Variants in SEPHS1 observed in about 807,000 individuals in gnomAD.
SEPHS1 encodes the protein zincore component SEPHS1.
SEPHS1 carries 7 observed loss-of-function variants against 39.2 expected under a neutral mutation model. That is an observed-to-expected ratio of 0.18 (90% CI 0.10 to 0.34). The LOEUF (loss-of-function observed/expected upper bound fraction) is 0.34. Ranked by LOEUF, SEPHS1 falls within the 10% of genes least tolerant of loss-of-function variation. The pLI, the probability that SEPHS1 is intolerant of heterozygous loss-of-function variation, is 1.00. For synonymous variants in SEPHS1, 190 were observed against 195.5 expected, an observed-to-expected ratio of 0.97 and a Z score of 0.23; for missense variants, 253 against 514.5, an observed-to-expected ratio of 0.49 and a Z score of 4.92.
intron 5 of SEPHS1, among the ~76,000 whole-genome samples, chr10:13,331,470 C>A (rs1833467045): frequency 6.6e-6 from 1 of 152,086 alleles, no homozygotes; most frequent in African/African-American, 2.4e-5. Flanking sequence ...ACTGCAACCT[C>A]CGCCTCCTGG....
chr10:13,319,108 T>A lies in SEPHS1; in HGVS notation c.*34A>T, dbSNP rs751108141. 3.8e-6 allele frequency: 6 copies of A among 1,597,758 alleles called. No homozygotes were observed. The highest frequency in any genetic ancestry group is 1.9e-4 in the Middle Eastern group (1 of 5,350). Reference sequence around the variant, plus strand: ...AAGTGATAAGGGAAATAGATCTATTTAAAAACAAAACCAAACAGCTATTTC... The same window carrying A: ...AAGTGATAAGGGAAATAGATCTATTAAAAAACAAAACCAAACAGCTATTTC... On this transcript the variant is annotated 3_prime_UTR_variant, in exon 9 of 9. Transcript: ENST00000327347.
chr10:13,331,521 A>G (rs1270160665), intron 5 of SEPHS1, among the ~76,000 whole-genome samples: 1 of 152,106 alleles, frequency 6.6e-6, no homozygotes, highest in African/African-American at 2.4e-5. Context: ...AGCTGGGATT[A>G]CAGGCGCCTG....
chr10:13,323,700 C>T lies in SEPHS1; in HGVS notation c.752-653G>A, dbSNP rs559907952. 1.1e-4 allele frequency among the ~76,000 whole-genome samples: 16 copies of T among 152,088 alleles called. No individual in the cohort carries two copies. The East Asian group carries it at 3.1e-3, about 29-fold the overall frequency. Reference sequence around the variant, plus strand: ...GCCTTGCTCAGTATCAAGGTACTCCCGCGAAAGGTGAATTGCGTGCAAGTT... The same window carrying T: ...GCCTTGCTCAGTATCAAGGTACTCCTGCGAAAGGTGAATTGCGTGCAAGTT... On this transcript the variant is annotated intron_variant, in intron 7 of 8. Coordinates refer to ENST00000327347, the MANE Select transcript of SEPHS1 (RefSeq NM_012247.5).
chr10:13,337,028 G>T (rs529353803), intron 3 of SEPHS1, among the ~76,000 whole-genome samples: 30 of 152,308 alleles, frequency 2.0e-4, no homozygotes, highest in African/African-American at 6.7e-4. Context: ...GTGCACACCT[G>T]TAGTCTCAGC....
At chr10:13,331,743 G>T (rs776515528) in intron 5 of SEPHS1, among the ~76,000 whole-genome samples, 1 of 152,200 alleles carries the variant, frequency 6.6e-6, no homozygotes, top group Non-Finnish European at 1.5e-5. Context: ...GGTTAGGAGA[G>T]AAACTTCTCC....
chr10:13,322,138 C>G lies in SEPHS1; in HGVS notation c.964+697G>C, dbSNP rs1258171164. 4.5e-5 allele frequency: 16 copies of G among 356,104 alleles called. No individual in the cohort carries two copies. The East Asian group carries it at 1.4e-3, about 30-fold the overall frequency. 22.1% of individuals were successfully genotyped at this position (356,104 alleles called of 1,614,324 possible). A position where few individuals can be genotyped will look rare whatever the true frequency, so the allele number is the denominator to read the frequency against. ...ATTCTTTTTTATTCTGTATCATTCTCTTTTCTTTTTTTTTTTTTTTTAAGG... is the reference window on the plus strand; with the variant it reads ...ATTCTTTTTTATTCTGTATCATTCTGTTTTCTTTTTTTTTTTTTTTTAAGG... On this transcript the variant is annotated intron_variant, in intron 8 of 8. Transcript: ENST00000327347.
chr10:13,344,143 G>A (rs909640356), intron 2 of SEPHS1, among the ~76,000 whole-genome samples: 5 of 152,028 alleles, frequency 3.3e-5, no homozygotes, highest in Admixed American at 2.0e-4. Flanking sequence ...CACGCTTTTC[G>A]CCCGATGCAC....
intron 7 of SEPHS1, among the ~76,000 whole-genome samples, chr10:13,325,742 C>A (rs893552909): frequency 6.6e-6 from 1 of 151,626 alleles, no homozygotes; most frequent in Non-Finnish European, 1.5e-5. Flanking sequence ...ACTAAAAATA[C>A]CAAAATTAGT....
intron 7 of SEPHS1, among the ~76,000 whole-genome samples, chr10:13,323,974 C>A (rs554942170): frequency 2.0e-5 from 3 of 151,804 alleles, no homozygotes; most frequent in Non-Finnish European, 2.9e-5. Flanking sequence ...TCCATTCACC[C>A]GACCTATTAT....
intron 2 of SEPHS1, 109 bp from the exon 3 acceptor site, chr10:13,338,917 G>A: frequency 1.2e-6 from 1 of 803,284 alleles, no homozygotes. Flanking sequence ...TATGGAAACT[G>A]CAGGCTGCCA....
chr10:13,346,752 G>A (rs1045661887), intron 1 of SEPHS1, among the ~76,000 whole-genome samples: 1 of 151,922 alleles, frequency 6.6e-6, no homozygotes, highest in African/African-American at 2.4e-5. Flanking sequence ...TCCAACTCAC[G>A]AGGCATCCAG....
At chr10:13,330,354 T>A (rs1040042339) in intron 5 of SEPHS1, among the ~76,000 whole-genome samples, 1 of 152,146 alleles carries the variant, frequency 6.6e-6, no homozygotes, top group Non-Finnish European at 1.5e-5. Context: ...AATGTCTTGG[T>A]GATTTCTGCC....
rs1192385948 is a variant in SEPHS1, at chr10:13,333,986, G to A, written c.406-15C>T. 1.9e-6 allele frequency: 3 copies of A among 1,591,932 alleles called. No homozygotes were observed. The highest frequency in any genetic ancestry group is 2.7e-5 in the African/African-American group (2 of 73,328). Reference sequence around the variant, plus strand: ...TTATCCCTTTCCTAAGGTTGAAAAAGGTACAAATAAAAAGTCAAAGAATTC... The same window carrying A: ...TTATCCCTTTCCTAAGGTTGAAAAAAGTACAAATAAAAAGTCAAAGAATTC... On this transcript the variant is annotated splice_polypyrimidine_tract_variant and intron_variant, in intron 4 of 8. Transcript: ENST00000327347.
At position 13,319,044 on chromosome 10, in the gene SEPHS1, A is replaced by C; in HGVS notation, c.*98T>G. The C allele has an allele frequency of 2.5e-6, 3 of 1,205,634 alleles. No homozygotes were observed. The highest frequency in any genetic ancestry group is 3.6e-6 in the Non-Finnish European group (3 of 831,526). The allele number at this position is 1,205,634 out of a possible 1,614,324, so 74.7% of individuals were successfully genotyped here. ...CCGACCTAAGGTCACCCCGATGTGT[A>C]GACACAATGAGATTTTTGTTGTTTA... On this transcript the variant is annotated 3_prime_UTR_variant, in exon 9 of 9. Transcript: ENST00000327347.
intron 2 of SEPHS1, among the ~76,000 whole-genome samples, chr10:13,339,240 C>T (rs1052463818): frequency 6.6e-6 from 1 of 151,930 alleles, no homozygotes; most frequent in Non-Finnish European, 1.5e-5. Flanking sequence ...TCGTATTGTC[C>T]CATCAGAAAC....
chr10:13,321,948 A>T (rs1833130513), intron 8 of SEPHS1: 1 of 378,630 alleles, frequency 2.6e-6, no homozygotes, highest in Non-Finnish European at 5.1e-6. Context: ...CTAGGAGTCA[A>T]ACTACTGGGG....
At chr10:13,336,121 G>A in intron 4 of SEPHS1, 122 bp downstream of exon 4, 1 of 601,070 alleles carries the variant, frequency 1.7e-6, no homozygotes, top group East Asian at 2.7e-5. Context: ...GAGCCAGAAG[G>A]AGTGCAGGGA....
At chr10:13,339,494 T>C (rs76631680) in intron 2 of SEPHS1, among the ~76,000 whole-genome samples, 2,361 of 152,116 alleles carry the variant, frequency 0.016, 57 homozygotes, top group African/African-American at 0.052. Context: ...CTTTAAAAAT[T>C]ACTTGTAATG....
At chr10:13,322,795 C>T (rs182075894) in intron 8 of SEPHS1, 40 bp downstream of exon 8, 2 of 1,580,202 alleles carry the variant, frequency 1.3e-6, no homozygotes, top group African/African-American at 1.3e-5. Flanking sequence ...TTTCTGTTAG[C>T]CTCACTATTT....
Sources: allele counts gnomAD v4.1 joint callset (sites outside exome capture counted in the v4.1 genomes callset), GRCh38; gene constraint gnomAD v4.1.1; transcripts MANE v1.5; gene names NCBI Gene and HGNC (gene_info 2026-07-23, HGNC 2026-07-21).